Variants in PBDC1 observed in about 807,000 individuals in gnomAD.
PBDC1 encodes protein PBDC1.
A neutral mutation model predicts 12.0 loss-of-function variants in PBDC1; 3 were observed. The observed-to-expected ratio is 0.25, with a 90% CI of 0.11 to 0.64. The LOEUF (loss-of-function observed/expected upper bound fraction) is 0.64. Ranked by LOEUF, PBDC1 falls within the 30% of genes least tolerant of loss-of-function variation. PBDC1 has a pLI of 0.84. For synonymous variants in PBDC1, 64 were observed against 56.4 expected (o/e 1.13, Z -0.60); for missense variants, 162 against 168.1 (o/e 0.96, Z 0.20).
At chrX:76,174,517 T>G (rs1236893804) in intron 2 of PBDC1, among the ~76,000 whole-genome samples, 4 of 111,949 alleles carry the variant, frequency 3.6e-5, no homozygotes, top group Admixed American at 1.9e-4. Context: ...TAATTTTCAT[T>G]TTGATTCTTT....
chrX:76,177,152 C>T (rs1362655057), intron 5 of PBDC1, among the ~76,000 whole-genome samples, 160 bp downstream of exon 5: 1 of 110,725 alleles, frequency 9.0e-6, no homozygotes, highest in Non-Finnish European at 1.9e-5. Flanking sequence ...TAAGTATTTT[C>T]AATCTCATTA....
chrX:76,178,228 G>C lies in PBDC1; in HGVS notation c.*320G>C. On this transcript the variant is annotated 3_prime_UTR_variant, in exon 6 of 6. Transcript: ENST00000373358. Reference sequence around the variant, plus strand: ...TATATCTGTGACTGACTTTAAAAAGGTATTTGACACTTGAAATTTTTTTCA... The same window carrying C: ...TATATCTGTGACTGACTTTAAAAAGCTATTTGACACTTGAAATTTTTTTCA... 1 of 306,151 alleles carries C rather than the reference G, an allele frequency of 3.3e-6. No individual in the cohort carries two copies. Among genetic ancestry groups the C allele is most frequent in the Admixed American group, 5.5e-5 (1 of 18,263 alleles). The allele number at this position is 306,151 out of a possible 1,213,427, so 25.2% of individuals were successfully genotyped here.
At chrX:76,173,231 TC>T (rs1237634903) in intron 1 of PBDC1, 63 bp downstream of exon 1, 3 of 1,015,465 alleles carry the variant, frequency 3.0e-6, no homozygotes, top group Non-Finnish European at 3.9e-6. Flanking sequence ...CTTTTTTTTT[TC>T]TTTTTTGAGA....
At chrX:76,176,676 A>T (rs1924801131) in intron 4 of PBDC1, among the ~76,000 whole-genome samples, 2 of 111,911 alleles carry the variant, frequency 1.8e-5, no homozygotes, top group Admixed American at 1.9e-4. Context: ...AGAGTAAAAT[A>T]TTGTTCATCT....
At chrX:76,174,796 T>G (rs1479215806) in intron 2 of PBDC1, 94 bp from the exon 3 acceptor site, 3 of 676,346 alleles carry the variant, frequency 4.4e-6, no homozygotes, top group Non-Finnish European at 7.2e-6. Flanking sequence ...GTAGCCCTCT[T>G]GAGCATTAAC....
chrX:76,176,316 G>A (rs1556796943), intron 4 of PBDC1, among the ~76,000 whole-genome samples: 1 of 110,667 alleles, frequency 9.0e-6, no homozygotes, highest in African/African-American at 3.3e-5. Flanking sequence ...ACCATGCCCA[G>A]CTAATATTTT....
chrX:76,177,560 G>C, intron 5 of PBDC1, 56 bp from the exon 6 acceptor site: 2 of 1,081,369 alleles, frequency 1.8e-6, no homozygotes, highest in Non-Finnish European at 2.5e-6. Context: ...TCAAAAAAAA[G>C]AGATTTAGGG....
At chrX:76,176,832 C>G (rs1556796994) in intron 4 of PBDC1, 49 bp from the exon 5 acceptor site, 19 of 836,615 alleles carry the variant, frequency 2.3e-5, no homozygotes, top group Non-Finnish European at 3.2e-5. Flanking sequence ...GGCCTTAGTA[C>G]GTCAGCCTCT....
intron 4 of PBDC1, 127 bp downstream of exon 4, chrX:76,175,740 A>G (rs1602144694): frequency 2.1e-6 from 1 of 484,796 alleles, no homozygotes; most frequent in East Asian, 3.9e-5. Flanking sequence ...CTTCTTTTCT[A>G]GTTGTAATCA....
In PBDC1 at chrX:76,177,611, T is replaced by A; in HGVS notation, c.410-5T>A. On this transcript the variant is annotated splice_region_variant and splice_polypyrimidine_tract_variant and intron_variant, in intron 5 of 5. Coordinates refer to ENST00000373358, the MANE Select transcript of PBDC1 (RefSeq NM_016500.5). ...GGATGATAATCAATTCTGTTCACTT[T>A]TCAGCCCCCAGGATACAATTCTTTG... 8.6e-7 allele frequency: 1 copy of A among 1,167,588 alleles called. No individual in the cohort carries two copies. Among genetic ancestry groups the A allele is most frequent in the Non-Finnish European group, 1.1e-6 (1 of 879,193 alleles).
chrX:76,176,566 G>A, intron 4 of PBDC1, among the ~76,000 whole-genome samples: 1 of 112,112 alleles, frequency 8.9e-6, no homozygotes, highest in Admixed American at 9.5e-5. Context: ...AGTGGGGATA[G>A]ATGACCATTT....
chrX:76,177,046 C>T, intron 5 of PBDC1, 54 bp downstream of exon 5: 1 of 795,388 alleles, frequency 1.3e-6, no homozygotes, highest in South Asian at 2.2e-5. Context: ...AACAGTCTGG[C>T]TTTACTGATG....
intron 4 of PBDC1, among the ~76,000 whole-genome samples, chrX:76,176,355 A>G (rs1032258933): frequency 1.8e-5 from 2 of 110,814 alleles, no homozygotes; most frequent in Non-Finnish European, 3.8e-5. Context: ...GGGTTTCACC[A>G]TGTTGACCAG....
rs1002272324 is a variant in PBDC1 at position 76,174,794 on chromosome X, C to T, written c.97-96C>T. 9.0e-6 allele frequency: 6 copies of T among 665,365 alleles called. No homozygotes were observed. In the East Asian group the frequency reaches 9.7e-5, roughly 11 times the overall value. The allele number at this position is 665,365 out of a possible 1,213,427, so 54.8% of individuals were successfully genotyped here. ...CAGTAACATCAAGTTTGGTAGCCCTCTTGAGCATTAACTAGACATCCACAT... is the reference window on the plus strand; with the variant it reads ...CAGTAACATCAAGTTTGGTAGCCCTTTTGAGCATTAACTAGACATCCACAT... On this transcript the variant is annotated intron_variant, in intron 2 of 5. Transcript: ENST00000373358.
At chrX:76,176,823 G>A (rs1556796993) in intron 4 of PBDC1, 58 bp from the exon 5 acceptor site, 1 of 744,900 alleles carries the variant, frequency 1.3e-6, no homozygotes, top group African/African-American at 2.1e-5. Flanking sequence ...CCCTCTCCTG[G>A]CCTTAGTACG....
rs782449547 is a variant in PBDC1, at chrX:76,173,150, C to T, written c.12C>T (p.Thr4=). The T allele has an allele frequency of 3.4e-6, 4 of 1,179,808 alleles. No homozygotes were observed. Among genetic ancestry groups the T allele is most frequent in the Non-Finnish European group, 4.6e-6 (4 of 878,998 alleles). The change falls in exon 1 of 6, where the codon ACC becomes ACT. Residue 4 remains threonine (T), a synonymous_variant. Coordinates refer to ENST00000373358, the MANE Select transcript of PBDC1 (RefSeq NM_016500.5). The part of the protein sequence containing the change: MAA[T]SGTDEPVSGE... ...TCGGGGGTTGCAAGATGGCGGCCAC[C>T]AGTGGAACTGATGAGCCGGTGAGAC...
chrX:76,176,107 G>T (rs1556796907), intron 4 of PBDC1, among the ~76,000 whole-genome samples: 1 of 109,010 alleles, frequency 9.2e-6, no homozygotes, highest in Non-Finnish European at 1.9e-5. Context: ...GGCTAATGAA[G>T]AATCTAAAGT....
chrX:76,173,190 G>C (rs370592133), intron 1 of PBDC1, 22 bp downstream of exon 1: 34 of 1,149,089 alleles, frequency 3.0e-5, no homozygotes, highest in Non-Finnish European at 3.9e-5. Context: ...TTCTGGGGTC[G>C]GGTGAGTGGG....
chrX:76,177,473 C>T, intron 5 of PBDC1, 143 bp from the exon 6 acceptor site: 1 of 505,927 alleles, frequency 2.0e-6, no homozygotes, highest in Non-Finnish European at 3.3e-6. Context: ...ATTGCTTGAA[C>T]CAGGGAAATT....
Sources: allele counts gnomAD v4.1 joint callset (sites outside exome capture counted in the v4.1 genomes callset), GRCh38; gene constraint gnomAD v4.1.1; transcripts MANE v1.5; gene names NCBI Gene and HGNC (gene_info 2026-07-23, HGNC 2026-07-21).